The following SLC27A6 variants were observed in gnomAD, a reference collection of about 807,000 sequenced individuals.
SLC27A6 encodes the protein long-chain fatty acid transport protein 6.
SLC27A6 carries 74 observed loss-of-function variants against 63.9 expected under a neutral mutation model. The ratio of observed to expected loss-of-function variants is 1.16; its 90% CI spans 0.96 to 1.40. SLC27A6 has a LOEUF of 1.40. Among genes scored for constraint, SLC27A6 ranks in the 40% most tolerant of loss-of-function variants. The probability of loss-of-function intolerance (pLI) is 0.00; values close to 1 mark genes in which losing one functional copy is unlikely to be tolerated. For synonymous variants in SLC27A6, 287 were observed against 260.8 expected, an observed-to-expected ratio of 1.10 and a Z score of -0.97; for missense variants, 794 against 732.9, an observed-to-expected ratio of 1.08 and a Z score of -0.96.
At position 128,966,425 on chromosome 5, in the gene SLC27A6, C is replaced by G. The variant is rs764827251; in HGVS notation, c.288C>G (p.Phe96Leu). The change falls in exon 1 of 10, where the codon TTC (phenylalanine) becomes TTG (leucine). Residue 96 changes from phenylalanine to leucine, a missense_variant. Phe to Leu is a conservative substitution (Grantham distance 22). Transcript: ENST00000262462. The part of the protein sequence containing the change: ...DKRSSRVAHV[F>L]LNHSSLKKGD... Reference sequence around the variant, plus strand: ...GGAGCAGCAGAGTGGCCCATGTCTTCCTGAACCATTCCTCTCTGAAAAAGG... The same window carrying G: ...GGAGCAGCAGAGTGGCCCATGTCTTGCTGAACCATTCCTCTCTGAAAAAGG... 1.4e-5 allele frequency: 22 copies of G among 1,607,906 alleles called. No homozygotes were observed. The highest frequency in any genetic ancestry group is 1.8e-5 in the Non-Finnish European group (21 of 1,177,132).
Position 128,966,226 on chromosome 5 carries a change from A to T in SLC27A6, c.89A>T (p.Asp30Val), listed in dbSNP as rs1406226019. Residue 30 changes from aspartate to valine, a missense_variant, in exon 1 of 10, where the codon GAC becomes GTC. Asp to Val is a radical substitution (Grantham distance 152). Transcript: ENST00000262462. ...QKLLFPYFWD[D>V]FWFVLKVVLI... ...CTCCTGTTCCCTTACTTTTGGGATG[A>T]CTTCTGGTTCGTGTTGAAGGTGGTG... 1 of 1,611,306 alleles carries T rather than the reference A, an allele frequency of 6.2e-7. No homozygotes were observed. The highest frequency in any genetic ancestry group is 8.5e-7 in the Non-Finnish European group (1 of 1,178,922).
intron 4 of SLC27A6, among the ~76,000 whole-genome samples, chr5:129,007,464 AAT>A (rs1391150209): frequency 0.043 from 3,625 of 84,184 alleles, 141 homozygotes; most frequent in African/African-American, 0.1. Context: ...AAAAAAAAAA[AAT>A]ATAATGTTAA....
intron 9 of SLC27A6, among the ~76,000 whole-genome samples, chr5:129,031,693 A>T (rs1752420352): frequency 6.6e-6 from 1 of 152,012 alleles, no homozygotes; most frequent in Non-Finnish European, 1.5e-5. Context: ...AAATATGATA[A>T]TTAAATGAGA....
chr5:128,966,653 G>T, intron 1 of SLC27A6, 35 bp downstream of exon 1: 1 of 1,437,892 alleles, frequency 7.0e-7, no homozygotes, highest in Non-Finnish European at 9.1e-7. Context: ...TATACAGAAT[G>T]GCAGCCCACC....
At position 128,980,656 on chromosome 5, in the gene SLC27A6, A is replaced by T. The variant is rs141812243; in HGVS notation, c.482-4477A>T. Among the ~76,000 whole-genome samples, 25 of 152,328 alleles carry T rather than the reference A, an allele frequency of 1.6e-4. No homozygotes were observed. The East Asian group carries it at 4.8e-3, about 29-fold the overall frequency. On this transcript the variant is annotated intron_variant, in intron 1 of 9. Transcript: ENST00000262462. The stretch of plus-strand genomic sequence containing the variant: ...ACATAGTAGGATGGTAACTATAAGG[A>T]TGTGGCAAGATCTCTAATTTCACTT...
rs4068575 is a variant in SLC27A6 at position 129,006,071 on chromosome 5, G to GTTTTTTTTTTTTTTTTTTTTTTT, written c.970-9811_970-9789dup. On this transcript the variant is annotated intron_variant, in intron 4 of 9. Transcript: ENST00000262462. ...TAAAATTTTCATTCCTGTGCACACT[G>GTTTTTTTTTTTTTTTTTTTTTTT]TTTTTTTTTTTTTTTTTTTTTTTTT... is the stretch of plus-strand genomic sequence containing the variant. 3.1e-3 allele frequency among the ~76,000 whole-genome samples: 184 copies of GTTTTTTTTTTTTTTTTTTTTTTT among 60,130 alleles called. 46 individuals are homozygous for GTTTTTTTTTTTTTTTTTTTTTTT. In the East Asian group the frequency reaches 0.034, roughly 11 times the overall value. 39.4% of individuals were successfully genotyped at this position (60,130 alleles called of 152,430 possible).
In SLC27A6 at chr5:128,966,002, C is replaced by A; in HGVS notation, c.-136C>A. 9.5e-7 allele frequency: 1 copy of A among 1,054,200 alleles called. No homozygotes were observed. Among genetic ancestry groups the A allele is most frequent in the Non-Finnish European group, 1.3e-6 (1 of 773,110 alleles). The allele number at this position is 1,054,200 out of a possible 1,614,324, so 65.3% of individuals were successfully genotyped here. ...GGATTCCTCCCCATCCCGCTTCGCC[C>A]CGGAAAAGCTGACAAGAACTTCAGG... On this transcript the variant is annotated 5_prime_UTR_variant, in exon 1 of 10. Coordinates refer to ENST00000262462, the MANE Select transcript of SLC27A6 (RefSeq NM_001017372.3).
At chr5:129,016,132 C>T in intron 5 of SLC27A6, 53 bp downstream of exon 5, 1 of 1,321,472 alleles carries the variant, frequency 7.6e-7, no homozygotes, top group Non-Finnish European at 1.0e-6. Context: ...GTGGCTCATA[C>T]CTGTAATCCC....
intron 3 of SLC27A6, among the ~76,000 whole-genome samples, chr5:128,989,131 G>A (rs1750890224): frequency 6.6e-6 from 1 of 152,156 alleles, no homozygotes; most frequent in South Asian, 2.1e-4. Context: ...AGACACATAG[G>A]TTATTTTACC....
chr5:128,983,648 T>G (rs961771560), intron 1 of SLC27A6, among the ~76,000 whole-genome samples: 2 of 152,188 alleles, frequency 1.3e-5, no homozygotes, highest in African/African-American at 4.8e-5. Context: ...TTGCCATTTA[T>G]TTCTTTTATG....
intron 4 of SLC27A6, among the ~76,000 whole-genome samples, chr5:129,011,950 CT>C (rs1751741350): frequency 6.6e-6 from 1 of 151,758 alleles, no homozygotes; most frequent in South Asian, 2.1e-4. Flanking sequence ...CACAAATACC[CT>C]TGAAAAGATA....
chr5:129,022,560 T>G (rs140666702), intron 5 of SLC27A6, among the ~76,000 whole-genome samples: 1 of 151,258 alleles, frequency 6.6e-6, no homozygotes, highest in East Asian at 1.9e-4. Context: ...TCATCTTTCC[T>G]TATTATTATT....
chr5:128,971,112 G>A (rs1750142198), intron 1 of SLC27A6, among the ~76,000 whole-genome samples: 2 of 152,178 alleles, frequency 1.3e-5, no homozygotes, highest in African/African-American at 4.8e-5. Flanking sequence ...GTTGCACTAT[G>A]GGCTGAGAGA....
intron 4 of SLC27A6, among the ~76,000 whole-genome samples, chr5:129,001,382 C>T (rs1329722072): frequency 6.6e-6 from 1 of 152,072 alleles, no homozygotes; most frequent in African/African-American, 2.4e-5. Flanking sequence ...GACTTGGTGT[C>T]TATATTGTTT....
chr5:129,032,766 C>T (rs748736559), intron 9 of SLC27A6, among the ~76,000 whole-genome samples: 2 of 151,872 alleles, frequency 1.3e-5, no homozygotes, highest in Non-Finnish European at 2.9e-5. Flanking sequence ...TGGCTTTTAT[C>T]TCCTTAGCAT....
In SLC27A6 at chr5:128,966,128, A is replaced by G. The variant is rs1488530133; in HGVS notation, c.-10A>G. On this transcript the variant is annotated 5_prime_UTR_variant, in exon 1 of 10. Coordinates refer to ENST00000262462, the MANE Select transcript of SLC27A6 (RefSeq NM_001017372.3). ...TGAGATCAGAGCTGTCTTCTGGCCC[A>G]GTTGCCCCCATGCTTCTGTCATGGC... 1.3e-6 allele frequency: 2 copies of G among 1,534,196 alleles called. No individual in the cohort carries two copies. The highest frequency in any genetic ancestry group is 2.8e-5 in the African/African-American group (2 of 71,768).
intron 1 of SLC27A6, among the ~76,000 whole-genome samples, chr5:128,979,695 G>A (rs1750517671): frequency 1.3e-5 from 2 of 151,816 alleles, no homozygotes; most frequent in African/African-American, 2.4e-5. Context: ...TTTCTTTTTT[G>A]TATAATTTTG....
chr5:129,010,253 A>G (rs959305636), intron 4 of SLC27A6, among the ~76,000 whole-genome samples: 1 of 152,198 alleles, frequency 6.6e-6, no homozygotes, highest in Admixed American at 6.5e-5. Context: ...GCAGTAGTTC[A>G]TTCTCTCTCA....
intron 9 of SLC27A6, among the ~76,000 whole-genome samples, chr5:129,031,900 CA>C (rs1194397384): frequency 6.6e-6 from 1 of 151,718 alleles, no homozygotes; most frequent in Non-Finnish European, 1.5e-5. Flanking sequence ...AGTGTTGGAT[CA>C]GGGGAGATGG....
Sources: allele counts gnomAD v4.1 joint callset (sites outside exome capture counted in the v4.1 genomes callset), GRCh38; gene constraint gnomAD v4.1.1; transcripts MANE v1.5; gene names NCBI Gene and HGNC (gene_info 2026-07-23, HGNC 2026-07-21).